INTS4: variants seen among roughly 807,000 people sequenced by gnomAD.
INTS4 encodes the protein integrator complex subunit 4, also known as MSTP093.
INTS4 carries 70 observed loss-of-function variants against 119.5 expected under a neutral mutation model. The ratio of observed to expected loss-of-function variants is 0.59; its 90% confidence interval spans 0.48 to 0.71. The LOEUF (loss-of-function observed/expected upper bound fraction) is 0.71, where lower values mean the gene tolerates loss of function less well. INTS4 is among the 30% of genes least tolerant of loss of function. The probability of loss-of-function intolerance (pLI) is 0.00; values close to 1 mark genes in which losing one functional copy is unlikely to be tolerated. For synonymous variants in INTS4, 316 were observed against 419.6 expected (o/e 0.75, Z 3.02); for missense variants, 867 against 1,173.2 (o/e 0.74, Z 3.81).
At chr11:77,990,601 G>A (rs887791891) in intron 2 of INTS4, among the ~76,000 whole-genome samples, 35 of 147,774 alleles carry the variant, frequency 2.4e-4, no homozygotes, top group African/African-American at 8.5e-4. Flanking sequence ...CAGGAGAATC[G>A]CTTGAACCCA....
chr11:77,967,659 T>C (rs1855558599), intron 4 of INTS4, among the ~76,000 whole-genome samples: 1 of 152,186 alleles, frequency 6.6e-6, no homozygotes. Flanking sequence ...CATGATGTTA[T>C]ACATTATGAG....
chr11:77,980,220 C>T (rs1480178757), intron 3 of INTS4, among the ~76,000 whole-genome samples: 2 of 151,968 alleles, frequency 1.3e-5, no homozygotes, highest in Non-Finnish European at 2.9e-5. Context: ...GAATGCCTTC[C>T]CCCACACCTG....
In INTS4 at chr11:77,883,861, T is replaced by C. The variant is rs757006926; in HGVS notation, c.2684A>G (p.Gln895Arg). The C allele has an allele frequency of 5.6e-6, 9 of 1,612,782 alleles. No homozygotes were observed. In the African/African-American group the frequency reaches 6.7e-5, roughly 12 times the overall value. The change falls in exon 22 of 23, where the codon CAG becomes CGG. Residue 895 changes from glutamine to arginine, a missense_variant. Gln to Arg is a conservative substitution (Grantham distance 43). Transcript: ENST00000534064. ...CCAAGCGGTGTGGGAGAGATAAACC[T>C]GAGTGATGAGCCGGTGCCGCCCTGG... Reference protein sequence around the residue: ...PGPGRHRLITQVYLSHTAWTE... With the variant: ...PGPGRHRLITRVYLSHTAWTE...
At chr11:77,959,514 G>A (rs568738869) in intron 6 of INTS4, among the ~76,000 whole-genome samples, 11 of 152,006 alleles carry the variant, frequency 7.2e-5, no homozygotes, top group South Asian at 2.1e-4. Flanking sequence ...AGAGTCTTAC[G>A]CCACCAAACA....
chr11:77,994,376 C>T (rs1249029886), intron 1 of INTS4, among the ~76,000 whole-genome samples: 2 of 152,148 alleles, frequency 1.3e-5, no homozygotes, highest in Non-Finnish European at 2.9e-5. Context: ...ACTGTTTCTC[C>T]TAATAATTTT....
rs776670354 is a variant in INTS4 at position 77,961,092 on chromosome 11, A to G, written c.518T>C (p.Leu173Ser). ...SHGVRNKCLQ[L>S]LGNLGSLEKS... ...CTCCAAAGAGCCAAGATTGCCAAGTAACTGCAGGCACTTATTTCTTACACC... is the reference window on the plus strand; with the variant it reads ...CTCCAAAGAGCCAAGATTGCCAAGTGACTGCAGGCACTTATTTCTTACACC... Residue 173 changes from leucine (L) to serine (S), a missense_variant, in exon 5 of 23, where the codon TTA becomes TCA. Transcript: ENST00000534064. The G allele has an allele frequency of 5.6e-6, 9 of 1,612,496 alleles. No individual in the cohort carries two copies. The highest frequency in any genetic ancestry group is 7.6e-6 in the Non-Finnish European group (9 of 1,179,484).
At chr11:77,902,802 C>G (rs1163827378) in intron 17 of INTS4, among the ~76,000 whole-genome samples, 1 of 152,120 alleles carries the variant, frequency 6.6e-6, no homozygotes, top group Non-Finnish European at 1.5e-5. Flanking sequence ...TGACTCAAAG[C>G]TAAAAAGAAA....
intron 17 of INTS4, among the ~76,000 whole-genome samples, chr11:77,902,544 C>T (rs536204270): frequency 1.9e-4 from 29 of 152,296 alleles, no homozygotes; most frequent in South Asian, 4.1e-4. Flanking sequence ...TTACCTATAG[C>T]TCTATGAATT....
chr11:77,936,713 A>G (rs986442628), intron 10 of INTS4, among the ~76,000 whole-genome samples: 11 of 152,236 alleles, frequency 7.2e-5, no homozygotes, highest in African/African-American at 2.7e-4. Context: ...AGACAAAGCA[A>G]TAGATACTAT....
At chr11:77,992,548 TAATAA>T (rs567535444) in intron 1 of INTS4, among the ~76,000 whole-genome samples, 15 of 152,070 alleles carry the variant, frequency 9.9e-5, no homozygotes, top group African/African-American at 3.6e-4. Flanking sequence ...TAAAAAATAA[TAATAA>T]AATAAAATAA....
At chr11:77,964,889 C>A (rs1038563797) in intron 4 of INTS4, among the ~76,000 whole-genome samples, 4 of 151,986 alleles carry the variant, frequency 2.6e-5, no homozygotes, top group African/African-American at 9.7e-5. Flanking sequence ...AAGTATCTCT[C>A]CACAAATTAT....
At chr11:77,876,243 C>T (rs1590985431), downstream of INTS4, among the ~76,000 whole-genome samples, 1 of 152,050 alleles carries the variant, frequency 6.6e-6, no homozygotes, top group Non-Finnish European at 1.5e-5. Context: ...AAGAACAGAC[C>T]CCTGTGATGA....
In INTS4 at chr11:77,938,070, C is replaced by T. The variant is rs574572930; in HGVS notation, c.1165+581G>A. On this transcript the variant is annotated intron_variant, in intron 10 of 22. Coordinates refer to ENST00000534064, the MANE Select transcript of INTS4 (RefSeq NM_033547.4). ...CCATGTTAACCAGGCTGGTCTTGAA[C>T]TCCTGGCCTCAAGTGATCCTCCAGC... Among the ~76,000 whole-genome samples the T allele has an allele frequency of 3.9e-5, 6 of 152,026 alleles. No homozygotes were observed. The East Asian group carries it at 1.2e-3, about 29-fold the overall frequency.
intron 12 of INTS4, among the ~76,000 whole-genome samples, chr11:77,923,883 G>T (rs933751761): frequency 6.7e-6 from 1 of 149,316 alleles, no homozygotes; most frequent in African/African-American, 2.5e-5. Flanking sequence ...TCCTGCCTTC[G>T]CCTCCCAAGT....
chr11:77,921,296 C>T, intron 14 of INTS4, 44 bp downstream of exon 14: 1 of 1,600,182 alleles, frequency 6.2e-7, no homozygotes, highest in Non-Finnish European at 8.5e-7. Flanking sequence ...ATAACCCTAC[C>T]CCATGCAAAA....
chr11:77,943,885 T>C (rs1196587708), intron 8 of INTS4, among the ~76,000 whole-genome samples: 1 of 152,170 alleles, frequency 6.6e-6, no homozygotes, highest in Non-Finnish European at 1.5e-5. Flanking sequence ...ACATCAGACA[T>C]AAAACTGCCA....
At chr11:77,909,290 A>G (rs1294021855) in intron 15 of INTS4, among the ~76,000 whole-genome samples, 1 of 152,230 alleles carries the variant, frequency 6.6e-6, no homozygotes, top group Non-Finnish European at 1.5e-5. Flanking sequence ...CATCTGGAAA[A>G]ATATCTTAGT....
rs1952777475 is a variant in INTS4 at position 77,901,535 on chromosome 11, T to C, written c.2114A>G (p.Tyr705Cys). ...AAAKQIMEET[Y>C]KMEFMYSGVE... ...ACCACTGTACATGAATTCCATTTTG[T>C]AGGTCTCTTCCATAATCTATAAAGG... The change falls in exon 18 of 23, where the codon TAC (tyrosine) becomes TGC (cysteine). Residue 705 changes from tyrosine (Y) to cysteine (C), a missense_variant. Transcript: ENST00000534064. 3.7e-6 allele frequency: 6 copies of C among 1,608,490 alleles called. No individual in the cohort carries two copies. The highest frequency in any genetic ancestry group is 3.4e-6 in the Non-Finnish European group (4 of 1,174,822).
chr11:77,904,308 A>T (rs1952873170), intron 16 of INTS4, among the ~76,000 whole-genome samples: 1 of 152,224 alleles, frequency 6.6e-6, no homozygotes, highest in Non-Finnish European at 1.5e-5. Context: ...GAAATATAAC[A>T]TGAGCTATAT....
Sources: allele counts gnomAD v4.1 joint callset (sites outside exome capture counted in the v4.1 genomes callset), GRCh38; gene constraint gnomAD v4.1.1; transcripts MANE v1.5; gene names NCBI Gene and HGNC (gene_info 2026-07-23, HGNC 2026-07-21).